Variants in DAB2 observed in about 807,000 individuals in gnomAD.
The protein encoded by DAB2 is disabled homolog 2.
In DAB2, 28 loss-of-function variants were observed where a neutral mutation model predicts 71.6. The observed-to-expected ratio is 0.39, with a 90% CI of 0.29 to 0.54. The LOEUF is 0.54. Ranked by LOEUF, DAB2 falls within the 20% of genes least tolerant of loss-of-function variation. The pLI is 0.68. For synonymous variants in DAB2, 345 were observed against 339.7 expected (o/e 1.02, Z -0.17); for missense variants, 867 against 928.8 (o/e 0.93, Z 0.86).
intron 1 of DAB2, chr5:39,417,578 C>T (rs1423937007): frequency 6.6e-6 from 1 of 151,840 alleles, no homozygotes; most frequent in African/African-American, 2.4e-5. Context: ...CTTTTTCTCC[C>T]TCTGGATCCA....
intron 4 of DAB2, 77 bp downstream of exon 4, chr5:39,392,288 G>A (rs765520676): frequency 9.6e-7 from 1 of 1,037,738 alleles, no homozygotes; most frequent in Non-Finnish European, 1.5e-6. Context: ...AACGAAGAAG[G>A]GGAGCCGAAA....
chr5:39,409,389 A>G (rs1755672354), intron 1 of DAB2, among the ~76,000 whole-genome samples: 1 of 152,214 alleles, frequency 6.6e-6, no homozygotes, highest in African/African-American at 2.4e-5. Flanking sequence ...TGGAGCATTT[A>G]CATTGAACAA....
chr5:39,389,322 T>C (rs1579908690), intron 6 of DAB2, among the ~76,000 whole-genome samples, 199 bp from the exon 7 acceptor site: 1 of 152,264 alleles, frequency 6.6e-6, no homozygotes. Flanking sequence ...GGTTGTCCTG[T>C]ATATTTCCTA....
chr5:39,394,589 T>C (rs1395474300), intron 1 of DAB2, among the ~76,000 whole-genome samples, 168 bp from the exon 2 acceptor site: 1 of 152,176 alleles, frequency 6.6e-6, no homozygotes, highest in East Asian at 1.9e-4. Flanking sequence ...TGGGTAGGAG[T>C]GTTTCCTTTG....
Position 39,388,854 on chromosome 5 carries a change from T to A in DAB2, c.571-2A>T. On this transcript the variant is annotated splice_acceptor_variant, in intron 7 of 14. Transcript: ENST00000320816. LOFTEE classifies it high-confidence loss of function. ...AATCATTAGGGCCTCACTCCCATTC[T>A]GAAAAGATAGCAAATATTTAAGGAT... The A allele has an allele frequency of 3.1e-6, 5 of 1,611,416 alleles. No individual in the cohort carries two copies. Among genetic ancestry groups the A allele is most frequent in the Non-Finnish European group, 4.2e-6 (5 of 1,177,600 alleles).
chr5:39,393,192 ATATAATT>A, intron 3 of DAB2, 55 bp downstream of exon 3: 1 of 1,534,084 alleles, frequency 6.5e-7, no homozygotes, highest in Non-Finnish European at 9.0e-7. Flanking sequence ...AGAGCTTCTA[ATATAATT>A]CCCTCTCTTG....
In DAB2 at chr5:39,394,278, C is replaced by A; in HGVS notation, c.43G>T (p.Asp15Tyr). The A allele has an allele frequency of 6.2e-7, 1 of 1,614,046 alleles. No homozygotes were observed. Among genetic ancestry groups the A allele is most frequent in the South Asian group, 1.1e-5 (1 of 91,054 alleles). ...GGTGCTTTTGGTGCGGCCTGTTGGT[C>A]GGGCTGACCATTGGTTGCACTTGTT... The part of the protein sequence containing the change: ...VETSATNGQP[D>Y]QQAAPKAPSK... The change falls in exon 2 of 15, where the codon GAC becomes TAC. Residue 15 changes from aspartate to tyrosine, a missense_variant. This residue lies in a region of DAB2 where 127 missense variants were observed against 194.4 expected (regional missense o/e 0.65). Transcript: ENST00000320816.
In DAB2 at chr5:39,380,361, T is replaced by A. The variant is rs549990048; in HGVS notation, c.1504+1093A>T. On this transcript the variant is annotated intron_variant, in intron 11 of 14. Coordinates refer to ENST00000320816, the MANE Select transcript of DAB2 (RefSeq NM_001343.4). ...AAAAGAACCAAACTATTTTCCTTTG[T>A]AGGAAAACAACAGAGACAGAGAGGA... 1.5e-4 allele frequency among the ~76,000 whole-genome samples: 23 copies of A among 152,256 alleles called. No homozygotes were observed. In the South Asian group the frequency reaches 4.1e-3, roughly 27 times the overall value.
At chr5:39,413,986 C>T (rs1054059638) in intron 1 of DAB2, among the ~76,000 whole-genome samples, 2 of 152,164 alleles carry the variant, frequency 1.3e-5, no homozygotes, top group Admixed American at 1.3e-4. Flanking sequence ...CAGCTGTCAA[C>T]ACTTTCATCT....
intron 1 of DAB2, among the ~76,000 whole-genome samples, chr5:39,407,479 G>T (rs961634903): frequency 6.6e-6 from 1 of 152,192 alleles, no homozygotes; most frequent in African/African-American, 2.4e-5. Flanking sequence ...GGGATTACAG[G>T]CGTGAGCCAC....
intron 6 of DAB2, 64 bp from the exon 7 acceptor site, chr5:39,389,187 A>G (rs998260933): frequency 6.2e-6 from 8 of 1,290,642 alleles, no homozygotes; most frequent in Non-Finnish European, 7.8e-6. Context: ...TAAATACACA[A>G]ACAAGTATGC....
chr5:39,394,326 G>A lies in DAB2; in HGVS notation c.-6C>T, dbSNP rs773785490. The A allele has an allele frequency of 2.0e-5, 33 of 1,613,060 alleles. No individual in the cohort carries two copies. The East Asian group carries it at 7.3e-4, about 36-fold the overall frequency. On this transcript the variant is annotated 5_prime_UTR_variant, in exon 2 of 15. Coordinates refer to ENST00000320816, the MANE Select transcript of DAB2 (RefSeq NM_001343.4). ...GTTTCTACTTCGTTAGACATGGCAA[G>A]AAGGCAGGCAGCAAACCTCAGTACC...
At position 39,376,035 on chromosome 5, in the gene DAB2, G is replaced by T; in HGVS notation, c.2209C>A (p.Pro737Thr). 2 of 1,614,036 alleles carry T rather than the reference G, an allele frequency of 1.2e-6. No homozygotes were observed. Among genetic ancestry groups the T allele is most frequent in the Non-Finnish European group, 1.7e-6 (2 of 1,179,972 alleles). The change falls in exon 13 of 15, where the codon CCT (proline) becomes ACT (threonine). Residue 737 changes from proline (P) to threonine (T), a missense_variant. Physicochemically the swap from Pro to Thr is conservative, Grantham distance 38 (BLOSUM62 -1). Transcript: ENST00000320816. ...TKSTDNAFEN[P>T]FFKDSFGSSQ... The stretch of plus-strand genomic sequence containing the variant: ...GAACCAAAAGAATCTTTAAAGAAAG[G>T]GTTCTCAAATGCATTGTCAGTAGAT...
intron 1 of DAB2, among the ~76,000 whole-genome samples, 166 bp downstream of exon 1, chr5:39,424,638 T>A (rs1756062889): frequency 6.7e-6 from 1 of 148,794 alleles, no homozygotes; most frequent in Admixed American, 6.7e-5. Context: ...AACTGCTGGT[T>A]TCCCCAAGCA....
At chr5:39,408,415 T>A (rs1251623427) in intron 1 of DAB2, 4 of 152,172 alleles carry the variant, frequency 2.6e-5, no homozygotes, top group African/African-American at 9.7e-5. Context: ...ATGAGAGACT[T>A]GCCGCTGGGT....
intron 1 of DAB2, among the ~76,000 whole-genome samples, chr5:39,400,993 C>A (rs1386703929): frequency 6.6e-6 from 1 of 152,210 alleles, no homozygotes; most frequent in East Asian, 1.9e-4. Flanking sequence ...TCACTGCTAT[C>A]TTCAAAGTAG....
intron 2 of DAB2, 113 bp downstream of exon 2, chr5:39,394,117 G>A (rs1387211878): frequency 1.2e-6 from 1 of 814,352 alleles, no homozygotes; most frequent in African/African-American, 1.7e-5. Flanking sequence ...ATGAGACTAA[G>A]CTGAGGTTGA....
chr5:39,402,793 C>T (rs534158401), intron 1 of DAB2, among the ~76,000 whole-genome samples: 60 of 152,330 alleles, frequency 3.9e-4, no homozygotes, highest in African/African-American at 1.3e-3. Context: ...CTGCTCAGCT[C>T]TGCCTTCTGA....
chr5:39,410,866 A>G (rs1214060965), intron 1 of DAB2, among the ~76,000 whole-genome samples: 1 of 151,940 alleles, frequency 6.6e-6, no homozygotes, highest in Non-Finnish European at 1.5e-5. Context: ...TAGAAATTGT[A>G]TTGAGTATTT....
Sources: allele counts gnomAD v4.1 joint callset (sites outside exome capture counted in the v4.1 genomes callset), GRCh38; gene constraint gnomAD v4.1.1; regional missense constraint gnomAD v4.1.1; transcripts MANE v1.5; gene names NCBI Gene and HGNC (gene_info 2026-07-23, HGNC 2026-07-21).